Variants in CUL5 observed in about 807,000 individuals in gnomAD.
CUL5 encodes the protein cullin 5, also known as cullin-5.
Under a neutral mutation model 108.8 loss-of-function variants are expected in CUL5, and 26 were observed. That is an observed-to-expected ratio of 0.24 (90% CI 0.18 to 0.33). The LOEUF (loss-of-function observed/expected upper bound fraction) is 0.33, where lower values mean the gene tolerates loss of function less well. Ranked by LOEUF, CUL5 falls within the 10% of genes least tolerant of loss-of-function variation. The pLI, the probability that CUL5 is intolerant of heterozygous loss-of-function variation, is 1.00. For synonymous variants in CUL5, 334 were observed against 298.0 expected (o/e 1.12, Z -1.25); for missense variants, 524 against 909.2 (o/e 0.58, Z 5.45).
chr11:108,027,724 C>T (rs1862486276), intron 1 of CUL5, among the ~76,000 whole-genome samples: 1 of 152,040 alleles, frequency 6.6e-6, no homozygotes, highest in Admixed American at 6.6e-5. Flanking sequence ...TCTCTTAATT[C>T]CACTCTTCAT....
At chr11:108,025,631 C>T (rs918627328) in intron 1 of CUL5, among the ~76,000 whole-genome samples, 5 of 152,180 alleles carry the variant, frequency 3.3e-5, no homozygotes, top group Non-Finnish European at 5.9e-5. Flanking sequence ...GTTTCTGGCC[C>T]TGTGTGCACT....
chr11:108,051,154 CCCAGTG>C (rs1863210933), intron 4 of CUL5, among the ~76,000 whole-genome samples: 1 of 152,190 alleles, frequency 6.6e-6, no homozygotes, highest in East Asian at 1.9e-4. Context: ...AATTTAGATA[CCCAGTG>C]GTTCTTCAGT....
intron 10 of CUL5, among the ~76,000 whole-genome samples, chr11:108,076,589 A>G (rs756750140): frequency 6.6e-6 from 1 of 152,032 alleles, no homozygotes; most frequent in Non-Finnish European, 1.5e-5. Context: ...GGCTTCCGTC[A>G]TATATATGTA....
intron 1 of CUL5, among the ~76,000 whole-genome samples, chr11:108,023,733 C>A (rs191355058): frequency 6.6e-6 from 1 of 152,136 alleles, no homozygotes; most frequent in Non-Finnish European, 1.5e-5. Flanking sequence ...AGTTTAAACT[C>A]TTCTGTCAGT....
intron 13 of CUL5, among the ~76,000 whole-genome samples, chr11:108,092,025 T>C (rs1040778394): frequency 3.6e-4 from 55 of 152,252 alleles, no homozygotes; most frequent in African/African-American, 1.3e-3. Flanking sequence ...TGGTTCTAGC[T>C]ACTCAGGAGG....
At position 108,073,447 on chromosome 11, in the gene CUL5, G is replaced by A. The variant is rs1315216761; in HGVS notation, c.1063G>A (p.Val355Ile). 5 of 1,598,026 alleles carry A rather than the reference G, an allele frequency of 3.1e-6. No homozygotes were observed. Among genetic ancestry groups the A allele is most frequent in the Non-Finnish European group, 2.6e-6 (3 of 1,170,364 alleles). The change falls in exon 10 of 19, where the codon GTC becomes ATC. Residue 355 changes from valine to isoleucine, a missense_variant. Coordinates refer to ENST00000393094, the MANE Select transcript of CUL5 (RefSeq NM_003478.6). ...LTLFNRFSKL[V>I]KEAFQDDPRF... ...ACTATTTAATAGATTTAGTAAACTC[G>A]TCAAAGAAGCTTTTCAAGATGATCC...
At chr11:108,072,224 G>A (rs1490124193) in intron 8 of CUL5, 108 bp from the exon 9 acceptor site, 2 of 868,806 alleles carry the variant, frequency 2.3e-6, no homozygotes, top group Non-Finnish European at 3.3e-6. Flanking sequence ...TACTCCTAAT[G>A]GCATTGTATC....
rs11212503 is a variant in CUL5, at chr11:108,071,468, G to T, written c.875-864G>T. ...TGTAGAGGCAGAGCCCCACCTTGTTGCCCAGGCTGATCTCCACTGCTTCTG... is the reference window on the plus strand; with the variant it reads ...TGTAGAGGCAGAGCCCCACCTTGTTTCCCAGGCTGATCTCCACTGCTTCTG... On this transcript the variant is annotated intron_variant, in intron 8 of 18. Transcript: ENST00000393094. Among the ~76,000 whole-genome samples the T allele has an allele frequency of 7.9e-5, 12 of 152,218 alleles. No individual in the cohort carries two copies. The East Asian group carries it at 2.3e-3, about 29-fold the overall frequency.
intron 1 of CUL5, among the ~76,000 whole-genome samples, chr11:108,016,539 C>T (rs1369644061): frequency 6.6e-6 from 1 of 152,184 alleles, no homozygotes; most frequent in Admixed American, 6.5e-5. Flanking sequence ...CGTGAGCTAC[C>T]ACCCCTACTT....
At chr11:108,075,270 A>C (rs1251759367) in intron 10 of CUL5, among the ~76,000 whole-genome samples, 5 of 152,054 alleles carry the variant, frequency 3.3e-5, no homozygotes, top group Admixed American at 3.3e-4. Flanking sequence ...AGTCAGATCT[A>C]CAGTGAGCTA....
At chr11:108,065,008 A>G (rs1443502935) in intron 7 of CUL5, among the ~76,000 whole-genome samples, 1 of 151,700 alleles carries the variant, frequency 6.6e-6, no homozygotes, top group Non-Finnish European at 1.5e-5. Context: ...ATTTTATTTC[A>G]TTTTATTTAT....
chr11:108,078,323 G>T (rs1203849430), intron 11 of CUL5, 83 bp downstream of exon 11: 2 of 620,884 alleles, frequency 3.2e-6, no homozygotes. Flanking sequence ...AAAGTACCCT[G>T]TTAGGTTTAT....
intron 11 of CUL5, among the ~76,000 whole-genome samples, chr11:108,086,945 CTAT>C (rs1262692632): frequency 6.6e-6 from 1 of 152,136 alleles, no homozygotes; most frequent in Non-Finnish European, 1.5e-5. Flanking sequence ...TTGATGTTAG[CTAT>C]TATTTTTGTG....
At chr11:108,077,381 T>C (rs898966427) in intron 10 of CUL5, among the ~76,000 whole-genome samples, 1 of 152,068 alleles carries the variant, frequency 6.6e-6, no homozygotes, top group Non-Finnish European at 1.5e-5. Flanking sequence ...GTGTGGTGGC[T>C]TACGCCTGTA....
chr11:108,075,399 G>C (rs966203465), intron 10 of CUL5, among the ~76,000 whole-genome samples: 1 of 152,114 alleles, frequency 6.6e-6, no homozygotes, highest in Non-Finnish European at 1.5e-5. Flanking sequence ...ACATATTTCT[G>C]CAGTTTTAGG....
intron 1 of CUL5, among the ~76,000 whole-genome samples, chr11:108,017,825 C>T (rs1044745068): frequency 4.0e-5 from 6 of 151,810 alleles, no homozygotes; most frequent in South Asian, 2.1e-4. Context: ...CTAGCCTGGA[C>T]GACAGAGTGA....
At chr11:108,014,202 A>G (rs1591269261) in intron 1 of CUL5, among the ~76,000 whole-genome samples, 1 of 152,286 alleles carries the variant, frequency 6.6e-6, no homozygotes, top group Middle Eastern at 3.4e-3. Context: ...TTGGAGCTGG[A>G]TTTTGAATAA....
chr11:108,089,611 A>G lies in CUL5; in HGVS notation c.1431A>G (p.Val477=). The G allele has an allele frequency of 6.6e-7, 1 of 1,509,890 alleles. No homozygotes were observed. Among genetic ancestry groups the G allele is most frequent in the Non-Finnish European group, 8.8e-7 (1 of 1,135,656 alleles). 93.5% of individuals were successfully genotyped at this position (1,509,890 alleles called of 1,614,324 possible). The change falls in exon 13 of 19, where the codon GTA becomes GTG. Residue 477 remains valine, a synonymous_variant. Coordinates refer to ENST00000393094, the MANE Select transcript of CUL5 (RefSeq NM_003478.6). ...ATAGTGAAATTGAAGAAAACATGGT[A>G]GAGTGGCTAAGAGTAAGTAAATTTT... ...SADSEIEENM[V]EWLREVGMPA... is the part of the protein sequence containing the mutation.
chr11:108,083,088 T>C (rs927868704), intron 11 of CUL5, among the ~76,000 whole-genome samples: 7 of 152,218 alleles, frequency 4.6e-5, no homozygotes, highest in Non-Finnish European at 1.0e-4. Context: ...TTTGGTTCTA[T>C]TTTCTTTTCT....
Sources: allele counts gnomAD v4.1 joint callset (sites outside exome capture counted in the v4.1 genomes callset), GRCh38; gene constraint gnomAD v4.1.1; transcripts MANE v1.5; gene names NCBI Gene and HGNC (gene_info 2026-07-23, HGNC 2026-07-21).